TCHP: variants seen among roughly 807,000 people sequenced by gnomAD.
TCHP encodes trichoplein keratin filament binding, also known as trichoplein keratin filament-binding protein.
A neutral mutation model predicts 88.7 loss-of-function variants in TCHP; 81 were observed. The ratio of observed to expected loss-of-function variants is 0.91; its 90% CI spans 0.76 to 1.10. TCHP has a LOEUF of 1.10. Ranked by LOEUF, TCHP falls within the 50% of genes least tolerant of loss-of-function variation. TCHP has a pLI of 0.00. For synonymous variants in TCHP, 232 were observed against 232.5 expected (o/e 1.00, Z 0.02); for missense variants, 641 against 632.1 (o/e 1.01, Z -0.15).
the TCHP span, among the ~76,000 whole-genome samples, chr12:109,890,516 T>G: frequency 2.0e-5 from 3 of 151,138 alleles, no homozygotes; most frequent in African/African-American, 7.3e-5. Flanking sequence ...TTTCTATTTT[T>G]TTTTTTTTTT....
intron 10 of TCHP, 30 bp downstream of exon 10, chr12:109,913,102 C>A (rs778258319): frequency 6.2e-7 from 1 of 1,609,480 alleles, no homozygotes; most frequent in Non-Finnish European, 8.5e-7. Flanking sequence ...TGTGGACCGG[C>A]TGTTGGGTCT....
chr12:109,895,125 T>G, the TCHP span, among the ~76,000 whole-genome samples: 8 of 152,026 alleles, frequency 5.3e-5, no homozygotes, highest in Non-Finnish European at 1.2e-4. Flanking sequence ...TCAAAATGGT[T>G]GCCCAGGCAA....
Position 109,916,634 on chromosome 12 carries a change from A to G in TCHP, c.*11A>G, listed in dbSNP as rs201796711. On this transcript the variant is annotated 3_prime_UTR_variant, in exon 13 of 13. Coordinates refer to ENST00000405876, the MANE Select transcript of TCHP (RefSeq NM_001143852.2). ...ATTGCTTGGAACTGACTTCATGGGT[A>G]CCATAAGTACAGAGAACAAGGGATG... 1 of 1,613,038 alleles carries G rather than the reference A, an allele frequency of 6.2e-7. No individual in the cohort carries two copies. The highest frequency in any genetic ancestry group is 1.3e-5 in the African/African-American group (1 of 75,008).
the TCHP span, among the ~76,000 whole-genome samples, chr12:109,883,274 G>A: frequency 1.3e-5 from 2 of 150,774 alleles, no homozygotes; most frequent in Non-Finnish European, 2.9e-5. Context: ...GGGCTCAAGC[G>A]ATCCTCCCAC....
rs907419253 is a variant in TCHP at position 109,917,247 on chromosome 12, G to A, written c.*624G>A. ...AGATGAGTCTTTCCTCCTCCAGGAAGCATTTTGGTAGAATTTCCATAGAGC... is the reference window on the plus strand; with the variant it reads ...AGATGAGTCTTTCCTCCTCCAGGAAACATTTTGGTAGAATTTCCATAGAGC... On this transcript the variant is annotated 3_prime_UTR_variant, in exon 13 of 13. Transcript: ENST00000405876. 6.6e-6 allele frequency: 1 copy of A among 152,210 alleles called. No individual in the cohort carries two copies. Among genetic ancestry groups the A allele is most frequent in the African/African-American group, 2.4e-5 (1 of 41,442 alleles). The allele number at this position is 152,210 out of a possible 1,614,324, so 9.4% of individuals were successfully genotyped here. A position where few individuals can be genotyped will look rare whatever the true frequency, so the allele number is the denominator to read the frequency against.
At chr12:109,901,458 C>T (rs906507226) in intron 1 of TCHP, among the ~76,000 whole-genome samples, 6 of 152,146 alleles carry the variant, frequency 3.9e-5, no homozygotes, top group African/African-American at 1.4e-4. Context: ...TCAAGGACTC[C>T]TTACCCACCC....
chr12:109,894,303 C>G, the TCHP span, among the ~76,000 whole-genome samples: 1 of 148,528 alleles, frequency 6.7e-6, no homozygotes, highest in Non-Finnish European at 1.5e-5. Context: ...CTAAAAAATA[C>G]AAAAAAATTA....
At chr12:109,883,199 A>G in the TCHP span, among the ~76,000 whole-genome samples, 4 of 127,726 alleles carry the variant, frequency 3.1e-5, no homozygotes, top group Admixed American at 1.6e-4. Context: ...ATGCTACCCT[A>G]TTTTTTTTTT....
chr12:109,899,561 C>A (rs1232230276), upstream of TCHP, among the ~76,000 whole-genome samples: 1 of 152,108 alleles, frequency 6.6e-6, no homozygotes, highest in Non-Finnish European at 1.5e-5. Context: ...TCGCTTGAAC[C>A]CGTAAGGCGG....
chr12:109,897,105 G>A (rs761356655), upstream of TCHP, among the ~76,000 whole-genome samples: 1 of 152,124 alleles, frequency 6.6e-6, no homozygotes, highest in African/African-American at 2.4e-5. Context: ...TATCAGCTGC[G>A]GCTCCTCAGG....
the TCHP span, among the ~76,000 whole-genome samples, chr12:109,890,712 G>A: frequency 2.0e-5 from 3 of 152,196 alleles, no homozygotes; most frequent in Middle Eastern, 3.4e-3. Context: ...CTTTCACCAC[G>A]TTGGCCAGGC....
chr12:109,885,655 G>C, the TCHP span, among the ~76,000 whole-genome samples: 1 of 151,706 alleles, frequency 6.6e-6, no homozygotes, highest in Non-Finnish European at 1.5e-5. Context: ...CTAATTTTTT[G>C]TATTTTTAGT....
chr12:109,914,910 A>C (rs1018663461), intron 11 of TCHP: 5 of 425,418 alleles, frequency 1.2e-5, no homozygotes, highest in African/African-American at 8.1e-5. Context: ...ATCTCTCTTC[A>C]TTTCAGTCCC....
chr12:109,900,682 T>C (rs1351451775), intron 1 of TCHP: 2 of 152,224 alleles, frequency 1.3e-5, no homozygotes, highest in Non-Finnish European at 2.9e-5. Context: ...AACTTTTAAC[T>C]CTTGGTGCAA....
intron 10 of TCHP, among the ~76,000 whole-genome samples, chr12:109,914,032 C>A (rs2136082166): frequency 6.6e-6 from 1 of 152,256 alleles, no homozygotes; most frequent in South Asian, 2.1e-4. Context: ...GTTAGAGGAC[C>A]ACCCCAGCTC....
the TCHP span, among the ~76,000 whole-genome samples, chr12:109,890,067 G>A: frequency 6.6e-6 from 1 of 152,146 alleles, no homozygotes; most frequent in Non-Finnish European, 1.5e-5. Flanking sequence ...ATAGTATTTT[G>A]ATCATTTTAA....
At position 109,916,763 on chromosome 12, in the gene TCHP, C is replaced by A; in HGVS notation, c.*140C>A. 1.4e-6 allele frequency: 1 copy of A among 730,276 alleles called. No individual in the cohort carries two copies. Among genetic ancestry groups the A allele is most frequent in the Non-Finnish European group, 2.3e-6 (1 of 437,480 alleles). 45.2% of individuals were successfully genotyped at this position (730,276 alleles called of 1,614,324 possible). A position where few individuals can be genotyped will look rare whatever the true frequency, so the allele number is the denominator to read the frequency against. ...CTCAGCAGTGCCTGCTCAGGTTCAT[C>A]ATTGAAACATCCCAGTGTTTGGCCA... is the stretch of plus-strand genomic sequence containing the variant. On this transcript the variant is annotated 3_prime_UTR_variant, in exon 13 of 13. Coordinates refer to ENST00000405876, the MANE Select transcript of TCHP (RefSeq NM_001143852.2).
At position 109,903,886 on chromosome 12, in the gene TCHP, G is replaced by T. The variant is rs747480930; in HGVS notation, c.189-51G>T. On this transcript the variant is annotated intron_variant, in intron 2 of 12. Transcript: ENST00000405876. This position sits in a 1 kb window ranked among gnomAD's most constrained non-coding sequence, Gnocchi z 4.6. ...TTACCGACACAGCAGAGCAGAGCAC[G>T]TTCCCTGTGGCTGTAGCATGATTGA... The T allele has an allele frequency of 1.0e-5, 15 of 1,470,872 alleles. No individual in the cohort carries two copies. Among genetic ancestry groups the T allele is most frequent in the African/African-American group, 1.4e-5 (1 of 71,834 alleles). The allele number at this position is 1,470,872 out of a possible 1,614,324, so 91.1% of individuals were successfully genotyped here. A position where few individuals can be genotyped will look rare whatever the true frequency, so the allele number is the denominator to read the frequency against.
At chr12:109,910,921 C>T (rs1843162614) in intron 8 of TCHP, 142 bp from the exon 9 acceptor site, 1 of 1,263,658 alleles carries the variant, frequency 7.9e-7, no homozygotes, top group African/African-American at 1.5e-5. Flanking sequence ...AATCCAGGAT[C>T]TTCCCATCTC....
Sources: allele counts gnomAD v4.1 joint callset (sites outside exome capture counted in the v4.1 genomes callset), GRCh38; gene constraint gnomAD v4.1.1; non-coding constraint Gnocchi (gnomAD v3.1); transcripts MANE v1.5; gene names NCBI Gene and HGNC (gene_info 2026-07-23, HGNC 2026-07-21).